Variants in CAST observed in about 807,000 individuals in gnomAD.
CAST encodes calpastatin.
A neutral mutation model predicts 119.6 loss-of-function variants in CAST; 76 were observed. That is an observed-to-expected ratio of 0.64 (90% CI 0.53 to 0.77). The LOEUF is 0.77. Ranked by LOEUF, CAST falls within the 30% of genes least tolerant of loss-of-function variation. The pLI is 0.00. For missense variants in CAST, 953 were observed against 946.5 expected, an observed-to-expected ratio of 1.01 and a Z score of -0.09; for synonymous variants, 319 against 331.6, an observed-to-expected ratio of 0.96 and a Z score of 0.41.
chr5:96,323,440 A>G, the CAST span, among the ~76,000 whole-genome samples: 1 of 152,202 alleles, frequency 6.6e-6, no homozygotes, highest in Non-Finnish European at 1.5e-5. Flanking sequence ...AGTTGTAGCT[A>G]GACCTCCTGT....
At chr5:96,568,858 A>C (rs755877430) in intron 1 of CAST, among the ~76,000 whole-genome samples, 4 of 152,108 alleles carry the variant, frequency 2.6e-5, no homozygotes, top group Non-Finnish European at 2.9e-5. Flanking sequence ...GAGAAAACCA[A>C]GCAGAAGGGA....
chr5:96,547,912 C>T (rs915447060), intron 1 of CAST, among the ~76,000 whole-genome samples: 1 of 152,130 alleles, frequency 6.6e-6, no homozygotes, highest in African/African-American at 2.4e-5. Context: ...GTCTGAGATC[C>T]AATATGGGAA....
chr5:96,653,504 C>T (rs1389452804), intron 1 of CAST, among the ~76,000 whole-genome samples: 2 of 152,162 alleles, frequency 1.3e-5, no homozygotes, highest in Non-Finnish European at 2.9e-5. Context: ...GAAGTCTTAC[C>T]TTCTTAAAAC....
the CAST span, among the ~76,000 whole-genome samples, chr5:96,375,557 A>G: frequency 6.6e-6 from 1 of 152,114 alleles, no homozygotes; most frequent in Non-Finnish European, 1.5e-5. Flanking sequence ...GTGATGATTA[A>G]TTTATGTGTC....
chr5:96,535,993 TAAC>T (rs1561409633), intron 1 of CAST, among the ~76,000 whole-genome samples: 22 of 151,920 alleles, frequency 1.4e-4, no homozygotes, highest in African/African-American at 5.1e-4. Flanking sequence ...TTAAATCTTT[TAAC>T]TATATGTTAA....
At chr5:96,515,306 G>GGGAAC in the CAST span, among the ~76,000 whole-genome samples, 3 of 151,250 alleles carry the variant, frequency 2.0e-5, no homozygotes, top group African/African-American at 7.4e-5. Context: ...CACAATGTTT[G>GGGAAC]ATTGTTTGTT....
At chr5:96,116,070 G>A in the CAST span, among the ~76,000 whole-genome samples, 4 of 152,008 alleles carry the variant, frequency 2.6e-5, no homozygotes. Flanking sequence ...TATTATTCTA[G>A]AAAGTAGCCT....
At chr5:96,076,278 T>G in the CAST span, among the ~76,000 whole-genome samples, 1 of 152,192 alleles carries the variant, frequency 6.6e-6, no homozygotes, top group African/African-American at 2.4e-5. Flanking sequence ...TCAGTGTTTT[T>G]TAGTACCCCT....
chr5:96,297,046 T>C, the CAST span, among the ~76,000 whole-genome samples: 7 of 92,582 alleles, frequency 7.6e-5, no homozygotes, highest in African/African-American at 2.1e-4. Flanking sequence ...AACTGGAGTA[T>C]ATTTTCAGTG....
At chr5:96,556,311 C>T (rs1301845845) in intron 1 of CAST, among the ~76,000 whole-genome samples, 1 of 152,216 alleles carries the variant, frequency 6.6e-6, no homozygotes, top group Non-Finnish European at 1.5e-5. Context: ...GCCTCTCCTC[C>T]TCCAAAGGAA....
At chr5:96,305,048 C>T in the CAST span, among the ~76,000 whole-genome samples, 2 of 152,130 alleles carry the variant, frequency 1.3e-5, no homozygotes, top group Non-Finnish European at 2.9e-5. Context: ...GGCAGTACGG[C>T]CATTTTCATG....
At chr5:96,234,203 GA>G in the CAST span, among the ~76,000 whole-genome samples, 1 of 152,216 alleles carries the variant, frequency 6.6e-6, no homozygotes, top group Non-Finnish European at 1.5e-5. Context: ...GTTTATGGAA[GA>G]AAGGATGTAT....
At chr5:96,186,977 C>A in the CAST span, among the ~76,000 whole-genome samples, 7 of 152,108 alleles carry the variant, frequency 4.6e-5, no homozygotes, top group Admixed American at 2.6e-4. Flanking sequence ...TCCTTCTGGT[C>A]CTGGGCTTCG....
chr5:96,349,144 T>TTTA, the CAST span, among the ~76,000 whole-genome samples: 3 of 145,090 alleles, frequency 2.1e-5, no homozygotes, highest in Admixed American at 6.8e-5. Context: ...ACACTATTTT[T>TTTA]TTTTTTTTTT....
At chr5:96,291,243 AATT>A in the CAST span, among the ~76,000 whole-genome samples, 1 of 152,228 alleles carries the variant, frequency 6.6e-6, no homozygotes, top group African/African-American at 2.4e-5. Context: ...GGTAATAAAC[AATT>A]ATTATAATTT....
upstream of CAST, chr5:96,662,334 T>TCCCTCCCTCCCTCTCTCCCTCCCTCCCC: frequency 3.8e-6 from 1 of 260,340 alleles, no homozygotes; most frequent in Non-Finnish European, 6.3e-6. Flanking sequence ...CCTCCCTCCC[T>TCCCTCCCTCCCTCTCTCCCTCCCTCCCC]CCCTCTCTCC....
chr5:96,365,562 C>T, the CAST span, among the ~76,000 whole-genome samples: 1 of 152,108 alleles, frequency 6.6e-6, no homozygotes, highest in African/African-American at 2.4e-5. Context: ...TCAATTGATC[C>T]CTTTACCATT....
chr5:95,978,485 T>C, the CAST span, among the ~76,000 whole-genome samples: 2,136 of 152,342 alleles, frequency 0.014, 45 homozygotes, highest in African/African-American at 0.048. Flanking sequence ...TGCTCACTTT[T>C]TTATGTGGTT....
chr5:96,770,729 C>T, intron 30 of CAST, 127 bp downstream of exon 30: 1 of 620,916 alleles, frequency 1.6e-6, no homozygotes, highest in African/African-American at 1.8e-5. Context: ...ACTATCTATC[C>T]CATAGCATCG....
Sources: allele counts gnomAD v4.1 joint callset (sites outside exome capture counted in the v4.1 genomes callset), GRCh38; gene constraint gnomAD v4.1.1; transcripts MANE v1.5; gene names NCBI Gene and HGNC (gene_info 2026-07-23, HGNC 2026-07-21).